The following MYO16 variants were observed in gnomAD, a reference collection of about 807,000 sequenced individuals.
MYO16 encodes unconventional myosin-XVI.
Under a neutral mutation model 205.3 loss-of-function variants are expected in MYO16, and 94 were observed. That is an observed-to-expected ratio of 0.46 (90% CI 0.39 to 0.54). The LOEUF is 0.54. Ranked by LOEUF, MYO16 falls within the 20% of genes least tolerant of loss-of-function variation. The pLI is 0.00. For synonymous variants in MYO16, 988 were observed against 954.0 expected (o/e 1.04, Z -0.66); for missense variants, 2,315 against 2,387.5 (o/e 0.97, Z 0.63).
intron 21 of MYO16, among the ~76,000 whole-genome samples, chr13:108,995,035 A>T (rs879612638): frequency 1.3e-5 from 2 of 152,244 alleles, no homozygotes; most frequent in Admixed American, 1.3e-4. Context: ...ACTACAGCTA[A>T]TAGGAAATTC....
At chr13:108,778,114 G>A (rs1594286352) in intron 4 of MYO16, among the ~76,000 whole-genome samples, 3 of 152,176 alleles carry the variant, frequency 2.0e-5, no homozygotes, top group Non-Finnish European at 2.9e-5. Flanking sequence ...TTCCCCAGAC[G>A]ATACTGGGAT....
At chr13:108,852,091 G>A (rs1447974212) in intron 10 of MYO16, among the ~76,000 whole-genome samples, 1 of 152,112 alleles carries the variant, frequency 6.6e-6, no homozygotes, top group African/African-American at 2.4e-5. Flanking sequence ...TCCAATTTCA[G>A]TGTCAACGTG....
chr13:109,044,098 AC>A (rs1886965804), intron 23 of MYO16, among the ~76,000 whole-genome samples: 2 of 152,138 alleles, frequency 1.3e-5, no homozygotes, highest in Admixed American at 1.3e-4. Context: ...CCAATGATTG[AC>A]CATGTCATTC....
At chr13:108,516,989 G>A in the MYO16 span, among the ~76,000 whole-genome samples, 173 of 152,040 alleles carry the variant, frequency 1.1e-3, no homozygotes, top group African/African-American at 2.8e-3. Context: ...GTAGTGCAGC[G>A]GTGTAATTGT....
intron 4 of MYO16, among the ~76,000 whole-genome samples, chr13:108,775,517 G>GT (rs35169100): frequency 0.37 from 56,496 of 151,544 alleles, 11,075 homozygotes; most frequent in East Asian, 0.62. Flanking sequence ...TGGAGTTTTG[G>GT]TTTTTTTTAA....
At chr13:108,675,440 C>T (rs9284246) in intron 2 of MYO16, among the ~76,000 whole-genome samples, 103,087 of 152,134 alleles carry the variant, frequency 0.68, 35,905 homozygotes, top group African/African-American at 0.83. Flanking sequence ...TCTGAAGGAT[C>T]CTGTATGAAG....
chr13:108,631,209 A>G (rs1006563429), intron 1 of MYO16, among the ~76,000 whole-genome samples: 1 of 152,166 alleles, frequency 6.6e-6, no homozygotes, highest in Non-Finnish European at 1.5e-5. Context: ...GTGCCTCTGC[A>G]GAGGAAAAAC....
intron 16 of MYO16, among the ~76,000 whole-genome samples, chr13:108,920,600 AG>A (rs1054363323): frequency 2.2e-4 from 34 of 152,162 alleles, no homozygotes; most frequent in African/African-American, 6.0e-4. Context: ...CTGGGATTAC[AG>A]GTGCCTGCCA....
intron 4 of MYO16, among the ~76,000 whole-genome samples, chr13:108,778,270 G>A (rs557091025): frequency 1.3e-5 from 2 of 152,306 alleles, no homozygotes; most frequent in Non-Finnish European, 1.5e-5. Context: ...AGTCACAGGA[G>A]GTCAAGCTGC....
chr13:109,094,204 A>G (rs746035116), intron 27 of MYO16, among the ~76,000 whole-genome samples: 68 of 152,138 alleles, frequency 4.5e-4, no homozygotes, highest in Admixed American at 1.3e-3. Flanking sequence ...TTTATTTGAC[A>G]CACTTCCTTA....
chr13:109,124,224 G>A (rs1429106060), intron 29 of MYO16, among the ~76,000 whole-genome samples: 1 of 152,154 alleles, frequency 6.6e-6, no homozygotes, highest in Non-Finnish European at 1.5e-5. Flanking sequence ...TGACTTTCTT[G>A]GTTGCTGATC....
chr13:108,508,040 G>A, the MYO16 span, among the ~76,000 whole-genome samples: 1 of 151,426 alleles, frequency 6.6e-6, no homozygotes, highest in African/African-American at 2.4e-5. Flanking sequence ...TTCACACATA[G>A]GTTTCTGGAT....
At chr13:109,013,030 A>C (rs1163002293) in intron 22 of MYO16, among the ~76,000 whole-genome samples, 13 of 150,084 alleles carry the variant, frequency 8.7e-5, no homozygotes, top group Admixed American at 8.0e-4. Flanking sequence ...TTTGTTACAT[A>C]TGTATACATG....
At chr13:108,850,637 T>G (rs1877810580) in intron 10 of MYO16, among the ~76,000 whole-genome samples, 1 of 152,192 alleles carries the variant, frequency 6.6e-6, no homozygotes, top group Non-Finnish European at 1.5e-5. Context: ...ACAGACATAT[T>G]TTTTACTTTT....
At chr13:108,881,959 C>T (rs1476298323) in intron 12 of MYO16, among the ~76,000 whole-genome samples, 2 of 152,134 alleles carry the variant, frequency 1.3e-5, no homozygotes, top group Non-Finnish European at 2.9e-5. Context: ...CACAAAGATA[C>T]TCCTTGAGAA....
At chr13:109,032,408 CT>C (rs111489612) in intron 23 of MYO16, among the ~76,000 whole-genome samples, 2,611 of 152,304 alleles carry the variant, frequency 0.017, 75 homozygotes, top group African/African-American at 0.06. Context: ...ATCCTTTGTG[CT>C]TCTTCCCAGG....
chr13:108,810,127 A>G (rs9301324), intron 7 of MYO16, among the ~76,000 whole-genome samples: 1,736 of 152,286 alleles, frequency 0.011, 31 homozygotes, highest in African/African-American at 0.04. Context: ...GGTTTTTAAA[A>G]CACATTATTT....
intron 1 of MYO16, among the ~76,000 whole-genome samples, chr13:108,654,304 C>T (rs757788966): frequency 9.9e-5 from 15 of 152,078 alleles, no homozygotes; most frequent in Non-Finnish European, 1.6e-4. Context: ...ATCACGGGGG[C>T]GGTTTCCCCC....
chr13:108,900,727 T>C lies in MYO16; in HGVS notation c.1777+2594T>C, dbSNP rs1167409359. 3.9e-5 allele frequency among the ~76,000 whole-genome samples: 6 copies of C among 152,260 alleles called. No individual in the cohort carries two copies. The East Asian group carries it at 1.2e-3, about 29-fold the overall frequency. ...TTGCGTTAACTGTACGAATTGTTTG[T>C]AGAGCATGTGTGTTTGAACAATATG... On this transcript the variant is annotated intron_variant, in intron 15 of 34. Transcript: ENST00000457511.
Sources: allele counts gnomAD v4.1 joint callset (sites outside exome capture counted in the v4.1 genomes callset), GRCh38; gene constraint gnomAD v4.1.1; transcripts MANE v1.5; gene names NCBI Gene and HGNC (gene_info 2026-07-23, HGNC 2026-07-21).